Variants in PPM1L observed in about 807,000 individuals in gnomAD.
The protein encoded by PPM1L is protein phosphatase 1L.
In PPM1L, 13 loss-of-function variants were observed where a neutral mutation model predicts 31.4. That is an observed-to-expected ratio of 0.41 (90% CI 0.27 to 0.66). The LOEUF is 0.66. Ranked by LOEUF, PPM1L falls within the 30% of genes least tolerant of loss-of-function variation. The probability of loss-of-function intolerance (pLI) is 0.29; values close to 1 mark genes in which losing one functional copy is unlikely to be tolerated. For synonymous variants in PPM1L, 184 were observed against 175.4 expected (o/e 1.05, Z -0.39); for missense variants, 326 against 453.7 (o/e 0.72, Z 2.56).
At chr3:161,033,670 A>G (rs1339013757) in intron 2 of PPM1L, among the ~76,000 whole-genome samples, 1 of 152,226 alleles carries the variant, frequency 6.6e-6, no homozygotes, top group Non-Finnish European at 1.5e-5. Context: ...CCCCTTCCTT[A>G]TACCTTATAC....
At chr3:160,900,752 A>G (rs770887131) in intron 1 of PPM1L, among the ~76,000 whole-genome samples, 9 of 151,332 alleles carry the variant, frequency 5.9e-5, no homozygotes, top group Non-Finnish European at 1.0e-4. Flanking sequence ...CCTGCTATAC[A>G]CTCCTTTCTT....
intron 2 of PPM1L, among the ~76,000 whole-genome samples, chr3:161,023,258 ATAGAT>A (rs1718289652): frequency 6.6e-6 from 1 of 151,552 alleles, no homozygotes. Context: ...TCTAGGATGT[ATAGAT>A]TAATGTATTT....
At chr3:160,911,414 C>T (rs1408915568) in intron 1 of PPM1L, among the ~76,000 whole-genome samples, 2 of 152,166 alleles carry the variant, frequency 1.3e-5, no homozygotes, top group South Asian at 2.1e-4. Context: ...CAGAGCAGAC[C>T]TTCTTAGCAA....
At chr3:160,942,938 C>T (rs1715209280) in intron 1 of PPM1L, among the ~76,000 whole-genome samples, 1 of 151,954 alleles carries the variant, frequency 6.6e-6, no homozygotes, top group African/African-American at 2.4e-5. Flanking sequence ...TTACACTCTA[C>T]CTATCTGAAG....
At chr3:161,010,965 T>C (rs1271841258) in intron 2 of PPM1L, among the ~76,000 whole-genome samples, 2 of 152,220 alleles carry the variant, frequency 1.3e-5, no homozygotes, top group African/African-American at 4.8e-5. Flanking sequence ...ATTCTGTAGG[T>C]TGCCTGTTCA....
chr3:160,891,548 G>A (rs1394085649), intron 1 of PPM1L, among the ~76,000 whole-genome samples: 3 of 152,172 alleles, frequency 2.0e-5, no homozygotes, highest in Non-Finnish European at 4.4e-5. Flanking sequence ...CACTGTTGGT[G>A]GGAGGGTAAA....
intron 2 of PPM1L, among the ~76,000 whole-genome samples, chr3:161,012,438 T>G (rs1377303688): frequency 1.3e-5 from 2 of 152,122 alleles, no homozygotes; most frequent in East Asian, 3.8e-4. Context: ...TATTGAGGAT[T>G]TTTGCATCAA....
chr3:160,789,188 A>G (rs147394375), intron 1 of PPM1L, among the ~76,000 whole-genome samples: 1 of 151,976 alleles, frequency 6.6e-6, no homozygotes, highest in East Asian at 1.9e-4. Flanking sequence ...GATATTTTAC[A>G]TTTGTTACTA....
intron 1 of PPM1L, among the ~76,000 whole-genome samples, chr3:160,824,691 C>A (rs1452640489): frequency 6.6e-6 from 1 of 152,090 alleles, no homozygotes; most frequent in East Asian, 1.9e-4. Flanking sequence ...TCACTGATAA[C>A]CTCTTTGGAA....
rs1320235272 is a variant in PPM1L, at chr3:160,834,313, G to A, written c.399+77606G>A. Among the ~76,000 whole-genome samples the A allele has an allele frequency of 4.6e-5, 7 of 151,994 alleles. No homozygotes were observed. The East Asian group carries it at 5.8e-4, about 13-fold the overall frequency. ...GCTGGGATTACAGGTATGAGCCACC[G>A]TGCCCGGCCTTAAATAAGGAATTCT... On this transcript the variant is annotated intron_variant, in intron 1 of 3. Transcript: ENST00000498165.
chr3:160,756,823 G>C lies in PPM1L; in HGVS notation c.399+116G>C. 1 of 1,172,742 alleles carries C rather than the reference G, an allele frequency of 8.5e-7. No homozygotes were observed. Among genetic ancestry groups the C allele is most frequent in the Non-Finnish European group, 1.2e-6 (1 of 850,878 alleles). 72.6% of individuals were successfully genotyped at this position (1,172,742 alleles called of 1,614,324 possible). On this transcript the variant is annotated intron_variant, in intron 1 of 3. Coordinates refer to ENST00000498165, the MANE Select transcript of PPM1L (RefSeq NM_139245.4). The surrounding 1 kb of genome is among the most constrained non-coding windows in gnomAD (Gnocchi z 6.2). ...ACAGGACAGCGTGTGCGCAGCGGGA[G>C]AGGATCTGGGTGCGAGGGGCGTGGT...
At chr3:161,034,221 G>A (rs1718668936) in intron 2 of PPM1L, among the ~76,000 whole-genome samples, 1 of 152,162 alleles carries the variant, frequency 6.6e-6, no homozygotes, top group African/African-American at 2.4e-5. Flanking sequence ...TGGAGAAATA[G>A]GAACACTTTT....
intron 1 of PPM1L, among the ~76,000 whole-genome samples, chr3:160,822,318 T>C (rs1713224231): frequency 6.6e-6 from 1 of 152,044 alleles, no homozygotes; most frequent in African/African-American, 2.4e-5. Flanking sequence ...CTCCATCATT[T>C]GAATAAACAA....
rs138162788 is a variant in PPM1L at position 160,929,729 on chromosome 3, G to A, written c.400-32007G>A. On this transcript the variant is annotated intron_variant, in intron 1 of 3. Coordinates refer to ENST00000498165, the MANE Select transcript of PPM1L (RefSeq NM_139245.4). Reference sequence around the variant, plus strand: ...TTGTGAGGTCCTTTCACTGCTCCAGGCAGTCCTCTGGCAGGATCGAAGTGG... The same window carrying A: ...TTGTGAGGTCCTTTCACTGCTCCAGACAGTCCTCTGGCAGGATCGAAGTGG... 6.8e-3 allele frequency among the ~76,000 whole-genome samples: 1,039 copies of A among 152,280 alleles called. 10 individuals are homozygous for A. Among genetic ancestry groups the A allele is most frequent in the Non-Finnish European group, 0.011 (770 of 68,008 alleles).
chr3:161,015,382 A>G (rs184665395), intron 2 of PPM1L, among the ~76,000 whole-genome samples: 108 of 152,326 alleles, frequency 7.1e-4, no homozygotes, highest in Admixed American at 5.7e-3. Flanking sequence ...AATTTGTCAA[A>G]TGTGATCTGA....
chr3:160,944,849 AAC>A lies in PPM1L; in HGVS notation c.400-16885_400-16884del, dbSNP rs1370327811. On this transcript the variant is annotated intron_variant, in intron 1 of 3. Transcript: ENST00000498165. ...TATATAACATATATATGTTATATAT[AAC>A]ATATATTATATATAATGTTATATAT... Among the ~76,000 whole-genome samples, 52 of 50,162 alleles carry A rather than the reference AAC, an allele frequency of 1.0e-3. 10 individuals are homozygous for A. The highest frequency in any genetic ancestry group is 2.0e-3 in the Admixed American group (8 of 4,040). The allele number at this position is 50,162 out of a possible 152,430, so 32.9% of individuals were successfully genotyped here.
intron 1 of PPM1L, among the ~76,000 whole-genome samples, chr3:160,944,814 A>ATATATGT (rs1715294236): frequency 3.5e-5 from 1 of 28,322 alleles, no homozygotes; most frequent in African/African-American, 1.0e-4. Context: ...TATATAACAT[A>ATATATGT]TATATGTTAT....
At chr3:161,020,163 A>C (rs1384864621) in intron 2 of PPM1L, among the ~76,000 whole-genome samples, 2 of 152,044 alleles carry the variant, frequency 1.3e-5, no homozygotes, top group Non-Finnish European at 2.9e-5. Context: ...CCTAGAAAAA[A>C]CAAGACATCT....
In PPM1L at chr3:160,897,307, C is replaced by T. The variant is rs376185710; in HGVS notation, c.400-64429C>T. On this transcript the variant is annotated intron_variant, in intron 1 of 3. Coordinates refer to ENST00000498165, the MANE Select transcript of PPM1L (RefSeq NM_139245.4). ...CCACCCGACTTGGCCTCCCAAAGTG[C>T]TGGGATTACAGGTGTGAGCCACCGT... Among the ~76,000 whole-genome samples the T allele has an allele frequency of 1.2e-3, 182 of 152,222 alleles. 3 individuals carry two copies. In the South Asian group the frequency reaches 0.037, roughly 31 times the overall value.
Sources: allele counts gnomAD v4.1 joint callset (sites outside exome capture counted in the v4.1 genomes callset), GRCh38; gene constraint gnomAD v4.1.1; non-coding constraint Gnocchi (gnomAD v3.1); transcripts MANE v1.5; gene names NCBI Gene and HGNC (gene_info 2026-07-23, HGNC 2026-07-21).